Variants in PADI2 observed in about 807,000 individuals in gnomAD.
The protein encoded by PADI2 is peptidyl arginine deiminase 2, also known as protein-arginine deiminase type-2.
PADI2 carries 70 observed loss-of-function variants against 81.1 expected under a neutral mutation model. That is an observed-to-expected ratio of 0.86 (90% CI 0.71 to 1.05). The LOEUF (loss-of-function observed/expected upper bound fraction) is 1.05. Among genes scored for constraint, PADI2 ranks in the 50% least tolerant of loss-of-function variants. The probability of loss-of-function intolerance (pLI) is 0.00; values close to 1 mark genes in which losing one functional copy is unlikely to be tolerated. For synonymous variants in PADI2, 338 were observed against 358.0 expected (o/e 0.94, Z 0.63); for missense variants, 853 against 889.9 (o/e 0.96, Z 0.53).
chr1:17,091,630 T>C lies in PADI2; in HGVS notation c.655+778A>G, dbSNP rs769173294. 1.8e-4 allele frequency among the ~76,000 whole-genome samples: 28 copies of C among 152,002 alleles called. 1 individual carries two copies. Among genetic ancestry groups the C allele is most frequent in the Admixed American group, 1.6e-3 (24 of 15,276 alleles). ...GAACACTCTTCCCTCAGCTCACGAG[T>C]GGCTGGTTCCTTCTTATTGTTCATC... On this transcript the variant is annotated intron_variant, in intron 6 of 15. Coordinates refer to ENST00000375486, the MANE Select transcript of PADI2 (RefSeq NM_007365.3).
chr1:17,104,018 C>T (rs1457392820), intron 2 of PADI2, among the ~76,000 whole-genome samples: 1 of 150,602 alleles, frequency 6.6e-6, no homozygotes, highest in East Asian at 2.0e-4. Flanking sequence ...CGCGGTGGCT[C>T]ACGCCTGTAA....
At chr1:17,102,796 T>C (rs1931193886) in intron 3 of PADI2, among the ~76,000 whole-genome samples, 191 bp downstream of exon 3, 1 of 150,942 alleles carries the variant, frequency 6.6e-6, no homozygotes, top group Admixed American at 6.6e-5. Context: ...TTCCTGCAGA[T>C]AAGCCCCCAC....
intron 1 of PADI2, among the ~76,000 whole-genome samples, chr1:17,116,874 C>G (rs1263038753): frequency 6.6e-6 from 1 of 152,188 alleles, no homozygotes; most frequent in Non-Finnish European, 1.5e-5. Context: ...CTACAGGTAA[C>G]TCGAGTCACA....
In PADI2 at chr1:17,093,513, A is replaced by G. The variant is rs199630631; in HGVS notation, c.529+54T>C. On this transcript the variant is annotated intron_variant, in intron 5 of 15. Transcript: ENST00000375486. ...CCCTCAGCCCAGCCCAGGACTGGGC[A>G]TGAATCTTTTCACTCCTCTCATCCT... The G allele has an allele frequency of 5.4e-4, 645 of 1,185,900 alleles. 1 individual carries two copies. The highest frequency in any genetic ancestry group is 7.8e-4 in the Non-Finnish European group (615 of 793,096). 73.5% of individuals were successfully genotyped at this position (1,185,900 alleles called of 1,614,324 possible). A position where few individuals can be genotyped will look rare whatever the true frequency, so the allele number is the denominator to read the frequency against.
At chr1:17,099,350 T>G (rs1931059143) in intron 3 of PADI2, among the ~76,000 whole-genome samples, 1 of 152,134 alleles carries the variant, frequency 6.6e-6, no homozygotes, top group Non-Finnish European at 1.5e-5. Flanking sequence ...GTGTACTCCT[T>G]CCACTGCCAG....
intron 8 of PADI2, 95 bp downstream of exon 8, chr1:17,084,504 G>A: frequency 2.9e-6 from 2 of 687,022 alleles, no homozygotes; most frequent in Non-Finnish European, 5.1e-6. Flanking sequence ...TAACACAGTG[G>A]TAAGTGACGG....
At chr1:17,086,082 T>C (rs1028226816) in intron 7 of PADI2, among the ~76,000 whole-genome samples, 1 of 152,146 alleles carries the variant, frequency 6.6e-6, no homozygotes, top group Admixed American at 6.5e-5. Context: ...GGGTTCAGCC[T>C]GCAGTCAGAG....
rs775944019 is a variant in PADI2, at chr1:17,084,602, C to T, written c.935G>A (p.Cys312Tyr). Residue 312 changes from cysteine (C) to tyrosine (Y), a missense_variant, in exon 8 of 16, where the codon TGC becomes TAC. Cys to Tyr is a radical substitution (Grantham distance 194, BLOSUM62 -2). Coordinates refer to ENST00000375486, the MANE Select transcript of PADI2 (RefSeq NM_007365.3). ...NILPPVSVFV[C>Y]CMKDNYLFLK... ...CCAGGCTGGGGTCACCCCTTACCAG[C>T]ACACAAACACCGACACGGGAGGCAG... is the stretch of plus-strand genomic sequence containing the variant. 4 of 1,577,580 alleles carry T rather than the reference C, an allele frequency of 2.5e-6. No individual in the cohort carries two copies. Among genetic ancestry groups the T allele is most frequent in the South Asian group, 1.2e-5 (1 of 85,812 alleles).
intron 8 of PADI2, among the ~76,000 whole-genome samples, chr1:17,084,377 A>C (rs995337628): frequency 6.6e-6 from 1 of 152,248 alleles, no homozygotes; most frequent in Non-Finnish European, 1.5e-5. Flanking sequence ...TATTATTTTT[A>C]GAGCATACCC....
chr1:17,111,342 G>A (rs1231285537), intron 1 of PADI2, among the ~76,000 whole-genome samples: 6 of 151,914 alleles, frequency 3.9e-5, no homozygotes, highest in African/African-American at 7.3e-5. Context: ...TGATCTGCCC[G>A]CCTCAGCCTC....
At chr1:17,082,722 G>A (rs751215965) in intron 9 of PADI2, 70 bp from the exon 10 acceptor site, 8 of 890,102 alleles carry the variant, frequency 9.0e-6, no homozygotes, top group Non-Finnish European at 1.4e-5. Flanking sequence ...CAGAAAACTC[G>A]AGAAACACAA....
intron 5 of PADI2, among the ~76,000 whole-genome samples, chr1:17,092,980 GA>G (rs978030471): frequency 2.7e-5 from 4 of 149,888 alleles, no homozygotes; most frequent in African/African-American, 7.4e-5. Context: ...AAAAGAAAAA[GA>G]AAAAAGCAAA....
intron 1 of PADI2, among the ~76,000 whole-genome samples, chr1:17,111,684 G>T (rs1931585724): frequency 6.6e-6 from 1 of 152,210 alleles, no homozygotes; most frequent in African/African-American, 2.4e-5. Flanking sequence ...CCCAGCCCCT[G>T]AGTTTCTGAT....
intron 12 of PADI2, 91 bp from the exon 13 acceptor site, chr1:17,075,040 C>G: frequency 1.4e-6 from 1 of 730,200 alleles, no homozygotes. Flanking sequence ...CAGTGCCTTG[C>G]CTGCTCATTG....
chr1:17,097,217 C>T (rs1383523753), intron 3 of PADI2, among the ~76,000 whole-genome samples: 1 of 152,202 alleles, frequency 6.6e-6, no homozygotes, highest in East Asian at 1.9e-4. Context: ...CTGGTTAGTC[C>T]CCGTGGCAGG....
chr1:17,105,946 AG>A lies in PADI2; in HGVS notation c.93-886del, dbSNP rs540790949. Among the ~76,000 whole-genome samples, 27 of 152,300 alleles carry A rather than the reference AG, an allele frequency of 1.8e-4. No homozygotes were observed. The East Asian group carries it at 5.0e-3, about 28-fold the overall frequency. On this transcript the variant is annotated intron_variant, in intron 1 of 15. Coordinates refer to ENST00000375486, the MANE Select transcript of PADI2 (RefSeq NM_007365.3). The stretch of plus-strand genomic sequence containing the variant: ...ATGGGAGGCCAGTTTTGGGAGCCAC[AG>A]GGTCCTGTGAAGGTGGAAGATGGAG...
At chr1:17,072,077 G>C (rs145690368) in intron 13 of PADI2, among the ~76,000 whole-genome samples, 1 of 152,200 alleles carries the variant, frequency 6.6e-6, no homozygotes, top group Non-Finnish European at 1.5e-5. Context: ...ATTTCTATGG[G>C]GTAGTCACTA....
At chr1:17,086,374 G>C in intron 7 of PADI2, 147 bp downstream of exon 7, 1 of 622,984 alleles carries the variant, frequency 1.6e-6, no homozygotes, top group Non-Finnish European at 2.8e-6. Context: ...TGCAGGCTTT[G>C]CTGGGGGGCA....
intron 12 of PADI2, 157 bp downstream of exon 12, chr1:17,075,522 T>C: frequency 1.6e-6 from 1 of 616,560 alleles, no homozygotes; most frequent in Non-Finnish European, 2.7e-6. Context: ...GTTAAAATTT[T>C]ACCTGCCACA....
Sources: allele counts gnomAD v4.1 joint callset (sites outside exome capture counted in the v4.1 genomes callset), GRCh38; gene constraint gnomAD v4.1.1; transcripts MANE v1.5; gene names NCBI Gene and HGNC (gene_info 2026-07-23, HGNC 2026-07-21).